Variants in RALYL observed in about 807,000 individuals in gnomAD.
RALYL encodes the protein RALY RNA binding protein like, also known as RNA-binding Raly-like protein.
A neutral mutation model predicts 35.1 loss-of-function variants in RALYL; 29 were observed. The ratio of observed to expected loss-of-function variants is 0.83; its 90% CI spans 0.61 to 1.13. The LOEUF is 1.13. RALYL is among the 50% of genes most tolerant of loss of function. The pLI, the probability that RALYL is intolerant of heterozygous loss-of-function variation, is 0.00. For synonymous variants in RALYL, 120 were observed against 127.6 expected (o/e 0.94, Z 0.40); for missense variants, 359 against 360.4 (o/e 1.00, Z 0.03).
At chr8:84,916,341 C>CT (rs917075316) in intron 8 of RALYL, among the ~76,000 whole-genome samples, 9 of 150,674 alleles carry the variant, frequency 6.0e-5, no homozygotes, top group Non-Finnish European at 7.4e-5. Context: ...AAAGAGGGTT[C>CT]TTTTTTTTTA....
At chr8:84,462,447 A>C (rs1236071788) in intron 1 of RALYL, among the ~76,000 whole-genome samples, 1 of 151,556 alleles carries the variant, frequency 6.6e-6, no homozygotes, top group African/African-American at 2.4e-5. Context: ...TTTGTAAAAA[A>C]AAAAAAGGCA....
intron 2 of RALYL, among the ~76,000 whole-genome samples, chr8:84,559,754 G>C (rs2061359389): frequency 1.3e-5 from 2 of 151,932 alleles, no homozygotes; most frequent in Non-Finnish European, 2.9e-5. Flanking sequence ...GAAAAAATTA[G>C]ACATCTCAGG....
rs1225117855 is a variant in RALYL at position 84,620,961 on chromosome 8, C to T, written c.256+91384C>T. On this transcript the variant is annotated intron_variant, in intron 2 of 8. Transcript: ENST00000521268. ...AGGCAGTCTGCCCGTTCTCAGATCT[C>T]CAGCTGCGTGCTGGGAGAACCACTG... Among the ~76,000 whole-genome samples, 7 of 152,228 alleles carry T rather than the reference C, an allele frequency of 4.6e-5. No homozygotes were observed. In the East Asian group the frequency reaches 1.4e-3, roughly 30 times the overall value.
chr8:84,398,325 C>A (rs191740321), intron 1 of RALYL, among the ~76,000 whole-genome samples: 211 of 151,858 alleles, frequency 1.4e-3, no homozygotes, highest in African/African-American at 4.5e-3. Context: ...TTTATCCTTG[C>A]CAATACATTA....
At chr8:84,770,590 G>A (rs1815231264) in intron 2 of RALYL, among the ~76,000 whole-genome samples, 1 of 152,068 alleles carries the variant, frequency 6.6e-6, no homozygotes, top group Non-Finnish European at 1.5e-5. Context: ...GGATCAAATG[G>A]TAGTTCTACT....
At chr8:84,620,382 G>A (rs1361545039) in intron 2 of RALYL, among the ~76,000 whole-genome samples, 8 of 151,788 alleles carry the variant, frequency 5.3e-5, no homozygotes, top group Admixed American at 1.3e-4. Context: ...CCAGTTGATC[G>A]CATCGGCTCC....
intron 1 of RALYL, among the ~76,000 whole-genome samples, chr8:84,428,007 TAA>T (rs919253913): frequency 6.6e-6 from 1 of 151,738 alleles, no homozygotes; most frequent in Non-Finnish European, 1.5e-5. Context: ...ACCTGTAAAA[TAA>T]AGATTGCCAG....
intron 1 of RALYL, among the ~76,000 whole-genome samples, chr8:84,265,881 C>T (rs1833201770): frequency 1.3e-5 from 2 of 152,118 alleles, no homozygotes; most frequent in South Asian, 4.2e-4. Context: ...TGAGTAGTTC[C>T]AATTCTCATA....
chr8:84,747,671 A>G (rs1045536107), intron 2 of RALYL, among the ~76,000 whole-genome samples: 3 of 151,942 alleles, frequency 2.0e-5, no homozygotes, highest in African/African-American at 7.2e-5. Context: ...TAAAGCGATT[A>G]CACTATATAT....
chr8:84,570,639 C>A (rs867611936), intron 2 of RALYL, among the ~76,000 whole-genome samples: 27 of 151,358 alleles, frequency 1.8e-4, no homozygotes, highest in African/African-American at 6.3e-4. Flanking sequence ...GAGGAGTGTG[C>A]CAGTTCTTGT....
chr8:84,516,705 A>G (rs976246454), intron 1 of RALYL, among the ~76,000 whole-genome samples: 1 of 152,334 alleles, frequency 6.6e-6, no homozygotes, highest in Middle Eastern at 3.4e-3. Flanking sequence ...TCAAGTCTGC[A>G]TTAAGATATC....
At chr8:84,212,079 T>C (rs372701631) in intron 1 of RALYL, among the ~76,000 whole-genome samples, 1 of 152,178 alleles carries the variant, frequency 6.6e-6, no homozygotes, top group African/African-American at 2.4e-5. Flanking sequence ...AATTGTGAAT[T>C]CTGCCTCTTA....
At chr8:84,388,373 G>C (rs1859756776) in intron 1 of RALYL, among the ~76,000 whole-genome samples, 1 of 152,130 alleles carries the variant, frequency 6.6e-6, no homozygotes, top group African/African-American at 2.4e-5. Context: ...TGGGATGGCT[G>C]GGTCAAATGG....
chr8:84,193,669 G>A (rs1814529606), intron 1 of RALYL, among the ~76,000 whole-genome samples: 1 of 152,134 alleles, frequency 6.6e-6, no homozygotes, highest in Admixed American at 6.5e-5. Flanking sequence ...GAGTGTAGTA[G>A]GGAATAAGCA....
intron 2 of RALYL, among the ~76,000 whole-genome samples, chr8:84,561,227 C>T (rs939629754): frequency 6.6e-6 from 1 of 151,812 alleles, no homozygotes; most frequent in Non-Finnish European, 1.5e-5. Context: ...ATAAGTCAGA[C>T]ACAGAAAGAA....
At chr8:84,379,073 CA>C (rs777360959) in intron 1 of RALYL, among the ~76,000 whole-genome samples, 28 of 151,964 alleles carry the variant, frequency 1.8e-4, no homozygotes, top group Admixed American at 5.3e-4. Flanking sequence ...GGATATATCC[CA>C]ACTACTTCCT....
intron 1 of RALYL, among the ~76,000 whole-genome samples, chr8:84,255,892 T>A (rs1831117688): frequency 6.6e-6 from 1 of 152,092 alleles, no homozygotes; most frequent in African/African-American, 2.4e-5. Context: ...TAGAAGATAT[T>A]TTTTCCCTTT....
chr8:84,572,456 C>T (rs758557366), intron 2 of RALYL, among the ~76,000 whole-genome samples: 6 of 151,658 alleles, frequency 4.0e-5, no homozygotes, highest in Non-Finnish European at 5.9e-5. Flanking sequence ...ACTTTTAGAA[C>T]TCCTTTGAGT....
intron 2 of RALYL, among the ~76,000 whole-genome samples, chr8:84,752,252 G>C (rs1243245230): frequency 6.6e-6 from 1 of 152,178 alleles, no homozygotes; most frequent in Admixed American, 6.5e-5. Context: ...ACTTGAGAGT[G>C]ATGACTTAGG....
Sources: allele counts gnomAD v4.1 joint callset (sites outside exome capture counted in the v4.1 genomes callset), GRCh38; gene constraint gnomAD v4.1.1; transcripts MANE v1.5; gene names NCBI Gene and HGNC (gene_info 2026-07-23, HGNC 2026-07-21).